ADGRL3: variants seen among roughly 807,000 people sequenced by gnomAD.
ADGRL3 encodes the protein adhesion G protein-coupled receptor L3.
In ADGRL3, 62 loss-of-function variants were observed where a neutral mutation model predicts 153.5. That is an observed-to-expected ratio of 0.40 (90% CI 0.33 to 0.50). The LOEUF (loss-of-function observed/expected upper bound fraction) is 0.50, where lower values mean the gene tolerates loss of function less well. Ranked by LOEUF, ADGRL3 falls within the 20% of genes least tolerant of loss-of-function variation. ADGRL3 has a pLI of 0.47. For missense variants in ADGRL3, 1,641 were observed against 1,859.4 expected, an observed-to-expected ratio of 0.88 and a Z score of 2.16; for synonymous variants, 710 against 672.5, an observed-to-expected ratio of 1.06 and a Z score of -0.86.
At chr4:61,564,672 T>G (rs1435319238) in intron 4 of ADGRL3, among the ~76,000 whole-genome samples, 1 of 152,234 alleles carries the variant, frequency 6.6e-6, no homozygotes, top group East Asian at 1.9e-4. Context: ...AAGGCCTAGC[T>G]TTTGGCCTTT....
intron 8 of ADGRL3, among the ~76,000 whole-genome samples, chr4:61,804,987 A>G (rs1384893555): frequency 6.8e-6 from 1 of 147,034 alleles, no homozygotes; most frequent in East Asian, 2.0e-4. Context: ...ACGGAGTCTC[A>G]TTCTGTCGCC....
intron 9 of ADGRL3, among the ~76,000 whole-genome samples, chr4:61,892,243 A>T (rs1279454702): frequency 1.3e-5 from 2 of 149,182 alleles, no homozygotes; most frequent in East Asian, 4.0e-4. Flanking sequence ...ATTACACTTC[A>T]TGTGAAAATA....
At chr4:61,243,852 T>G (rs560234301) in intron 1 of ADGRL3, among the ~76,000 whole-genome samples, 1 of 152,204 alleles carries the variant, frequency 6.6e-6, no homozygotes, top group African/African-American at 2.4e-5. Context: ...TAAAGGACAT[T>G]ATTTCATTGT....
intron 9 of ADGRL3, among the ~76,000 whole-genome samples, chr4:61,854,103 G>A (rs1292160903): frequency 1.3e-5 from 2 of 152,138 alleles, no homozygotes; most frequent in Non-Finnish European, 2.9e-5. Flanking sequence ...TTTATTGGTA[G>A]GATTGTATAT....
chr4:61,274,108 A>G (rs1479283981), intron 1 of ADGRL3, among the ~76,000 whole-genome samples: 2 of 152,220 alleles, frequency 1.3e-5, no homozygotes, highest in Non-Finnish European at 2.9e-5. Flanking sequence ...ATGTAGCAAT[A>G]TCAGAGGAAG....
At chr4:61,900,231 T>C (rs529073218) in intron 11 of ADGRL3, among the ~76,000 whole-genome samples, 50 of 152,334 alleles carry the variant, frequency 3.3e-4, no homozygotes, top group African/African-American at 1.2e-3. Context: ...CTCAACTAAA[T>C]GCACCAAGTT....
chr4:61,450,711 C>A (rs184244436), intron 2 of ADGRL3, among the ~76,000 whole-genome samples: 1 of 151,894 alleles, frequency 6.6e-6, no homozygotes, highest in African/African-American at 2.4e-5. Context: ...TCTTGTATAC[C>A]GGCAAAAGCA....
intron 8 of ADGRL3, among the ~76,000 whole-genome samples, chr4:61,738,430 G>A (rs2096544025): frequency 6.6e-6 from 1 of 152,140 alleles, no homozygotes; most frequent in African/African-American, 2.4e-5. Flanking sequence ...CCTCTGGGTA[G>A]CTATCCAGTA....
rs1309459105 is a variant in ADGRL3, at chr4:62,025,954, C to T, written c.3396-2901C>T. Among the ~76,000 whole-genome samples the T allele has an allele frequency of 3.9e-5, 6 of 152,168 alleles. No homozygotes were observed. In the South Asian group the frequency reaches 1.2e-3, roughly 32 times the overall value. ...TTAAAAGGAATCAACAGCATGGCAA[C>T]ATTACCATCAATTTAATTTGGATTT... On this transcript the variant is annotated intron_variant, in intron 21 of 26. Transcript: ENST00000683033.
chr4:61,735,795 G>T (rs1257819495), intron 8 of ADGRL3, among the ~76,000 whole-genome samples: 1 of 151,902 alleles, frequency 6.6e-6, no homozygotes, highest in Admixed American at 6.6e-5. Context: ...TAATAGATAG[G>T]TTAAAATTAA....
chr4:62,021,888 C>A lies in ADGRL3; in HGVS notation c.3396-6967C>A, dbSNP rs1243483074. Among the ~76,000 whole-genome samples, 4 of 152,102 alleles carry A rather than the reference C, an allele frequency of 2.6e-5. No individual in the cohort carries two copies. In the East Asian group the frequency reaches 7.7e-4, roughly 29 times the overall value. ...TTTTCCTCTGCCTCTCCTTGGGTTC[C>A]CCTCTTCCCTGAGACACAGCAATAT... On this transcript the variant is annotated intron_variant, in intron 21 of 26. Coordinates refer to ENST00000683033, the MANE Select transcript of ADGRL3 (RefSeq NM_001387552.1).
chr4:61,929,302 C>T (rs951178506), intron 13 of ADGRL3, among the ~76,000 whole-genome samples: 2 of 151,978 alleles, frequency 1.3e-5, no homozygotes, highest in African/African-American at 4.8e-5. Context: ...GTACCTTGAT[C>T]TTGAGCTTCT....
intron 9 of ADGRL3, among the ~76,000 whole-genome samples, chr4:61,815,978 A>G (rs2097684347): frequency 6.6e-6 from 1 of 152,226 alleles, no homozygotes; most frequent in African/African-American, 2.4e-5. Flanking sequence ...TAGCATCACA[A>G]ACGGACTGAG....
chr4:61,469,314 C>A (rs1390688465), intron 2 of ADGRL3, among the ~76,000 whole-genome samples: 1 of 152,046 alleles, frequency 6.6e-6, no homozygotes, highest in Non-Finnish European at 1.5e-5. Flanking sequence ...ACAGTGTGTT[C>A]CCTAAAGAAT....
rs929756397 is a variant in ADGRL3 at position 61,675,982 on chromosome 4, A to G, written c.474-844A>G. Among the ~76,000 whole-genome samples the G allele has an allele frequency of 2.0e-5, 3 of 151,916 alleles. No homozygotes were observed. The Admixed American group carries it at 2.0e-4, about 10-fold the overall frequency. ...CCTCACTCCGTTCCCAGCCTCTGGT[A>G]ATCATCTTTCTACCCTACAGCTCCA... On this transcript the variant is annotated intron_variant, in intron 5 of 26. Coordinates refer to ENST00000683033, the MANE Select transcript of ADGRL3 (RefSeq NM_001387552.1).
chr4:61,336,138 C>G (rs978691985), intron 1 of ADGRL3, among the ~76,000 whole-genome samples: 1 of 152,048 alleles, frequency 6.6e-6, no homozygotes, highest in Admixed American at 6.6e-5. Context: ...ATATAAAATA[C>G]TGAAATTGCT....
At chr4:61,220,860 G>T (rs1745141544) in intron 1 of ADGRL3, among the ~76,000 whole-genome samples, 1 of 152,164 alleles carries the variant, frequency 6.6e-6, no homozygotes, top group Non-Finnish European at 1.5e-5. Flanking sequence ...AGATAAGCAT[G>T]CCAGAAATGC....
chr4:61,727,831 C>A (rs1011127243), intron 6 of ADGRL3, among the ~76,000 whole-genome samples: 2 of 152,096 alleles, frequency 1.3e-5, no homozygotes, highest in Non-Finnish European at 2.9e-5. Flanking sequence ...TATTTCACCA[C>A]TTTTTCTTTT....
At chr4:61,522,852 T>C (rs896471005) in intron 4 of ADGRL3, among the ~76,000 whole-genome samples, 4 of 152,110 alleles carry the variant, frequency 2.6e-5, no homozygotes, top group African/African-American at 9.7e-5. Context: ...CAGACGAACA[T>C]GCTTGCCAAT....
Sources: allele counts gnomAD v4.1 joint callset (sites outside exome capture counted in the v4.1 genomes callset), GRCh38; gene constraint gnomAD v4.1.1; transcripts MANE v1.5; gene names NCBI Gene and HGNC (gene_info 2026-07-23, HGNC 2026-07-21).